NAALADL2: variants seen among roughly 807,000 people sequenced by gnomAD.
NAALADL2 encodes inactive N-acetylated-alpha-linked acidic dipeptidase-like protein 2.
NAALADL2 carries 76 observed loss-of-function variants against 87.2 expected under a neutral mutation model. The observed-to-expected ratio is 0.87, with a 90% CI of 0.72 to 1.05. The LOEUF is 1.05. NAALADL2 is among the 50% of genes least tolerant of loss of function. The probability of loss-of-function intolerance (pLI) is 0.00; values close to 1 mark genes in which losing one functional copy is unlikely to be tolerated. For missense variants in NAALADL2, 1,089 were observed against 945.8 expected (o/e 1.15, Z -1.99); for synonymous variants, 354 against 331.0 (o/e 1.07, Z -0.75).
At chr3:175,233,891 TCTC>T in intron 2 of NAALADL2, 37 bp from the exon 3 acceptor site, 1 of 1,177,732 alleles carries the variant, frequency 8.5e-7, no homozygotes. Context: ...AATAAAGTAT[TCTC>T]CTTTTTAAAA....
rs545422325 is a variant in NAALADL2, at chr3:174,654,728, T to G, written c.-114-82913T>G. 2.0e-5 allele frequency among the ~76,000 whole-genome samples: 3 copies of G among 152,238 alleles called. No individual in the cohort carries two copies. In the South Asian group the frequency reaches 6.2e-4, roughly 32 times the overall value. ...CAGTTTATGAGCCTTGTAATAAAAT[T>G]ACCTACTTTATTATTTATTTATTTT... On this transcript the variant is annotated intron_variant, in intron 2 of 3. Transcript: ENST00000434257.
chr3:174,558,089 A>G (rs1336547981), intron 2 of NAALADL2, among the ~76,000 whole-genome samples: 1 of 152,180 alleles, frequency 6.6e-6, no homozygotes, highest in Non-Finnish European at 1.5e-5. Context: ...TTGTTTATGC[A>G]ATCAGTTTAG....
intron 9 of NAALADL2, among the ~76,000 whole-genome samples, chr3:175,529,642 C>A (rs1476906107): frequency 6.6e-6 from 1 of 152,150 alleles, no homozygotes; most frequent in Non-Finnish European, 1.5e-5. Context: ...GTCAATCCAG[C>A]TGCTTCAGGA....
At chr3:174,559,739 C>T (rs1249119673) in intron 2 of NAALADL2, among the ~76,000 whole-genome samples, 1 of 152,116 alleles carries the variant, frequency 6.6e-6, no homozygotes, top group Non-Finnish European at 1.5e-5. Flanking sequence ...GCAGGAGGGT[C>T]CCTTTTATAA....
chr3:175,036,084 A>G (rs561357197), intron 1 of NAALADL2, among the ~76,000 whole-genome samples: 1 of 152,300 alleles, frequency 6.6e-6, no homozygotes, highest in Admixed American at 6.5e-5. Context: ...TTTATTTTTT[A>G]CTTCATTTAT....
At chr3:175,165,946 A>G (rs1733936827) in intron 2 of NAALADL2, among the ~76,000 whole-genome samples, 1 of 151,688 alleles carries the variant, frequency 6.6e-6, no homozygotes, top group African/African-American at 2.4e-5. Flanking sequence ...AGGAATAACT[A>G]TGTGGACTTT....
At position 175,429,091 on chromosome 3, in the gene NAALADL2, T is replaced by G. The variant is rs1717296358; in HGVS notation, c.1091-18138T>G. Among the ~76,000 whole-genome samples the G allele has an allele frequency of 2.0e-5, 3 of 151,808 alleles. No homozygotes were observed. In the South Asian group the frequency reaches 6.2e-4, roughly 31 times the overall value. On this transcript the variant is annotated intron_variant, in intron 5 of 13. Coordinates refer to ENST00000454872, the MANE Select transcript of NAALADL2 (RefSeq NM_207015.3). Reference sequence around the variant, plus strand: ...GAGTAAACAAGACTCTAACTTTATCTGTATTGTGTTGTTTTAGAATAAAAG... The same window carrying G: ...GAGTAAACAAGACTCTAACTTTATCGGTATTGTGTTGTTTTAGAATAAAAG...
chr3:174,601,575 T>G (rs1273915793), intron 2 of NAALADL2, among the ~76,000 whole-genome samples: 1 of 152,214 alleles, frequency 6.6e-6, no homozygotes, highest in Non-Finnish European at 1.5e-5. Context: ...TTTGCAAATA[T>G]TTTCTCCCAT....
In NAALADL2 at chr3:174,882,651, A is replaced by ACACATATACGCATATGCGCATATG. The variant is rs1560318856; in HGVS notation, c.43+23208_43+23209insACGCATATGCGCATATGCACATAT. 2.6e-4 allele frequency among the ~76,000 whole-genome samples: 35 copies of ACACATATACGCATATGCGCATATG among 132,806 alleles called. 1 individual carries two copies. Among genetic ancestry groups the ACACATATACGCATATGCGCATATG allele is most frequent in the African/African-American group, 1.0e-3 (27 of 26,790 alleles). 87.1% of individuals were successfully genotyped at this position (132,806 alleles called of 152,430 possible). On this transcript the variant is annotated intron_variant, in intron 1 of 13. Coordinates refer to ENST00000454872, the MANE Select transcript of NAALADL2 (RefSeq NM_207015.3). ...TGTGCATATACACATATGTGCATATACACATATGTGCATATACACATATGT... is the reference window on the plus strand; with the variant it reads ...TGTGCATATACACATATGTGCATATACACATATACGCATATGCGCATATGCACATATGTGCATATACACATATGT...
intron 2 of NAALADL2, among the ~76,000 whole-genome samples, chr3:174,657,411 C>A (rs1725070060): frequency 6.6e-6 from 1 of 152,016 alleles, no homozygotes; most frequent in South Asian, 2.1e-4. Context: ...CCTGACTTGG[C>A]CTTCCCAATT....
chr3:174,892,782 G>A (rs1042988221), intron 1 of NAALADL2, among the ~76,000 whole-genome samples: 2 of 151,808 alleles, frequency 1.3e-5, no homozygotes, highest in African/African-American at 4.8e-5. Context: ...AAATTAGCCA[G>A]GTGGTGGCAT....
chr3:174,975,477 A>G (rs576614153), intron 1 of NAALADL2, among the ~76,000 whole-genome samples: 1 of 152,246 alleles, frequency 6.6e-6, no homozygotes, highest in East Asian at 1.9e-4. Flanking sequence ...TTGATGCAAA[A>G]ATAATTTTTT....
chr3:175,733,937 T>G (rs1297181410), intron 11 of NAALADL2, among the ~76,000 whole-genome samples: 1 of 152,182 alleles, frequency 6.6e-6, no homozygotes, highest in Non-Finnish European at 1.5e-5. Context: ...ATGCAAGAGG[T>G]GGGTTCCCAT....
chr3:174,994,478 T>C (rs1380926069), intron 1 of NAALADL2, among the ~76,000 whole-genome samples: 2 of 150,140 alleles, frequency 1.3e-5, no homozygotes. Context: ...GTAATGATTA[T>C]TTTTTTGAAT....
intron 7 of NAALADL2, among the ~76,000 whole-genome samples, chr3:175,465,191 G>T (rs952059792): frequency 6.7e-6 from 1 of 150,192 alleles, no homozygotes; most frequent in Non-Finnish European, 1.5e-5. Context: ...GGCGGAGCTT[G>T]CAGTGAGCAG....
At chr3:174,904,569 A>T (rs1300537014) in intron 1 of NAALADL2, among the ~76,000 whole-genome samples, 1 of 129,106 alleles carries the variant, frequency 7.7e-6, no homozygotes, top group Non-Finnish European at 1.6e-5. Flanking sequence ...CATCAAGAAC[A>T]TACTAACAAT....
intron 2 of NAALADL2, among the ~76,000 whole-genome samples, chr3:174,654,675 T>G (rs973290779): frequency 2.6e-5 from 4 of 152,220 alleles, no homozygotes; most frequent in Non-Finnish European, 5.9e-5. Flanking sequence ...TTTTCGGAAG[T>G]GCTTCACTTT....
At position 174,564,117 on chromosome 3, in the gene NAALADL2, A is replaced by T. The variant is rs1434036585; in HGVS notation, c.-115+13480A>T. 2.6e-5 allele frequency among the ~76,000 whole-genome samples: 4 copies of T among 152,146 alleles called. No individual in the cohort carries two copies. In the East Asian group the frequency reaches 7.7e-4, roughly 29 times the overall value. On this transcript the variant is annotated intron_variant, in intron 2 of 3. Transcript: ENST00000434257. ...TTGGTAATGGGGTAATGGAGTTCAT[A>T]TAAGATTCATATGAGTTTAAGGATT...
intron 9 of NAALADL2, among the ~76,000 whole-genome samples, chr3:175,556,028 A>G (rs1715207388): frequency 6.6e-6 from 1 of 152,190 alleles, no homozygotes; most frequent in South Asian, 2.1e-4. Context: ...GCCAAGCCAG[A>G]GAACAGCAGA....
Sources: allele counts gnomAD v4.1 joint callset (sites outside exome capture counted in the v4.1 genomes callset), GRCh38; gene constraint gnomAD v4.1.1; transcripts MANE v1.5; gene names NCBI Gene and HGNC (gene_info 2026-07-23, HGNC 2026-07-21).